Variants in TMPRSS11B observed in about 807,000 individuals in gnomAD.
TMPRSS11B encodes the protein transmembrane protease serine 11B.
Under a neutral mutation model 44.7 loss-of-function variants are expected in TMPRSS11B, and 53 were observed. The observed-to-expected ratio is 1.19, with a 90% CI of 0.95 to 1.49. TMPRSS11B has a LOEUF of 1.49. TMPRSS11B is among the 40% of genes most tolerant of loss of function. The pLI is 0.00. For missense variants in TMPRSS11B, 526 were observed against 494.8 expected, an observed-to-expected ratio of 1.06 and a Z score of -0.60; for synonymous variants, 140 against 159.2, an observed-to-expected ratio of 0.88 and a Z score of 0.91.
At chr4:68,234,754 TCTAAGC>T in intron 4 of TMPRSS11B, 131 bp from the exon 5 acceptor site, 1 of 874,606 alleles carries the variant, frequency 1.1e-6, no homozygotes, top group Non-Finnish European at 1.7e-6. Flanking sequence ...ACATATACTA[TCTAAGC>T]ATGTATAAAA....
chr4:68,234,488 T>A lies in TMPRSS11B; in HGVS notation c.444A>T (p.Ala148=). The change falls in exon 5 of 10, where the codon GCA becomes GCT. Residue 148 remains alanine, a synonymous_variant. Coordinates refer to ENST00000332644, the MANE Select transcript of TMPRSS11B (RefSeq NM_182502.3). ...MLKNNMASWN[A]VPASIKLMEI... ...CCATGAGTTTAATGGAAGCAGGAACTGCATTCCAGGATGCCATGTTGTTTT... is the reference window on the plus strand; with the variant it reads ...CCATGAGTTTAATGGAAGCAGGAACAGCATTCCAGGATGCCATGTTGTTTT... 6.2e-7 allele frequency: 1 copy of A among 1,613,980 alleles called. No homozygotes were observed. Among genetic ancestry groups the A allele is most frequent in the Non-Finnish European group, 8.5e-7 (1 of 1,179,962 alleles).
chr4:68,242,271 A>T (rs7669403), intron 1 of TMPRSS11B, among the ~76,000 whole-genome samples: 14 of 73,954 alleles, frequency 1.9e-4, no homozygotes, highest in South Asian at 1.1e-3. Flanking sequence ...TATATAATAT[A>T]ATATTATATA....
chr4:68,237,620 G>A lies in TMPRSS11B; in HGVS notation c.125-1354C>T, dbSNP rs186467118. The stretch of plus-strand genomic sequence containing the variant: ...GCATATGATGGGTGGTGCTTTGTGT[G>A]AGTCACAAGGTCTCATATCCCCATC... On this transcript the variant is annotated intron_variant, in intron 2 of 9. Coordinates refer to ENST00000332644, the MANE Select transcript of TMPRSS11B (RefSeq NM_182502.3). 2.7e-4 allele frequency among the ~76,000 whole-genome samples: 41 copies of A among 152,270 alleles called. No homozygotes were observed. In the East Asian group the frequency reaches 2.9e-3, roughly 11 times the overall value.
chr4:68,242,716 G>T (rs1719895343), intron 1 of TMPRSS11B, among the ~76,000 whole-genome samples: 1 of 151,358 alleles, frequency 6.6e-6, no homozygotes, highest in Non-Finnish European at 1.5e-5. Context: ...GACCACAGGG[G>T]TGCACCACCA....
At chr4:68,229,046 A>G (rs1206567101) in intron 8 of TMPRSS11B, among the ~76,000 whole-genome samples, 162 bp from the exon 9 acceptor site, 2 of 152,180 alleles carry the variant, frequency 1.3e-5, no homozygotes, top group Non-Finnish European at 2.9e-5. Context: ...GCTGCCTAAC[A>G]CATAATTTCA....
chr4:68,242,317 A>ATATATATAATATTATATTATATATATAT lies in TMPRSS11B; in HGVS notation c.9-541_9-514dup, dbSNP rs1560445600. 2.6e-3 allele frequency among the ~76,000 whole-genome samples: 192 copies of ATATATATAATATTATATTATATATATAT among 72,916 alleles called. 3 individuals are homozygous for ATATATATAATATTATATTATATATATAT. The highest frequency in any genetic ancestry group is 9.7e-3 in the African/African-American group (146 of 15,102). 47.8% of individuals were successfully genotyped at this position (72,916 alleles called of 152,430 possible). A position where few individuals can be genotyped will look rare whatever the true frequency, so the allele number is the denominator to read the frequency against. On this transcript the variant is annotated intron_variant, in intron 1 of 9. Transcript: ENST00000332644. The stretch of plus-strand genomic sequence containing the variant: ...TACATAATATAATATATATAATATT[A>ATATATATAATATTATATTATATATATAT]TATATATAATATTATATTATATATA...
At chr4:68,233,950 T>A (rs1276026779) in intron 5 of TMPRSS11B, among the ~76,000 whole-genome samples, 2 of 151,948 alleles carry the variant, frequency 1.3e-5, no homozygotes, top group Non-Finnish European at 2.9e-5. Flanking sequence ...GGTGGGCAGA[T>A]CACAAGGTCG....
intron 4 of TMPRSS11B, 138 bp from the exon 5 acceptor site, chr4:68,234,761 A>G (rs1719616641): frequency 1.2e-6 from 1 of 856,436 alleles, no homozygotes; most frequent in Middle Eastern, 3.6e-4. Flanking sequence ...CTATCTAAGC[A>G]TGTATAAAAT....
chr4:68,237,360 C>T (rs902413486), intron 2 of TMPRSS11B, among the ~76,000 whole-genome samples: 14 of 152,044 alleles, frequency 9.2e-5, no homozygotes, highest in Non-Finnish European at 1.9e-4. Context: ...TGGGTTGGTT[C>T]TAAGTCTTTG....
At chr4:68,240,488 T>C (rs1719794572) in intron 2 of TMPRSS11B, among the ~76,000 whole-genome samples, 1 of 152,148 alleles carries the variant, frequency 6.6e-6, no homozygotes, top group South Asian at 2.1e-4. Flanking sequence ...GGTTCTGTAG[T>C]TCCCCTTTGC....
Position 68,227,995 on chromosome 4 carries a change from ATC to A in TMPRSS11B, c.1165_1166del (p.Asp389TrpfsTer4). On this transcript the variant is annotated frameshift_variant, in exon 10 of 10. Transcript: ENST00000332644. LOFTEE classifies it low-confidence loss of function (END_TRUNC). ...WHLVGIVSWGDGCGKKNKPGV... is the reference protein window; with the variant it reads ...WHLVGIVSWGXGCGKKNKPGV... ...CTGGCTTATTCTTTTTACCACATCC[ATC>A]ACCCCAGCTTACTATTCCAACAAGA... is the stretch of plus-strand genomic sequence containing the variant. 2 of 1,613,948 alleles carry A rather than the reference ATC, an allele frequency of 1.2e-6. No homozygotes were observed. The highest frequency in any genetic ancestry group is 2.2e-5 in the South Asian group (2 of 91,064).
intron 5 of TMPRSS11B, 59 bp downstream of exon 5, chr4:68,234,404 T>A (rs1249382247): frequency 5.8e-6 from 9 of 1,539,838 alleles, no homozygotes; most frequent in South Asian, 4.8e-5. Flanking sequence ...TAGTACTTTT[T>A]AAAAAAATAA....
chr4:68,231,229 T>C lies in TMPRSS11B; in HGVS notation c.660A>G (p.Leu220=). The change falls in exon 7 of 10, where the codon CTA becomes CTG. Residue 220 remains leucine (L), a synonymous_variant. Coordinates refer to ENST00000332644, the MANE Select transcript of TMPRSS11B (RefSeq NM_182502.3). ...TAGCAAAGCAGTGAGCTGCAGATAA[T>C]AGCCACCTGCTGCTGATCAGAGAGG... ...CGASLISSRW[L]LSAAHCFAKK... 6.2e-7 allele frequency: 1 copy of C among 1,611,518 alleles called. No homozygotes were observed. The highest frequency in any genetic ancestry group is 8.5e-7 in the Non-Finnish European group (1 of 1,179,294).
At chr4:68,238,662 G>A (rs976718020) in intron 2 of TMPRSS11B, among the ~76,000 whole-genome samples, 8 of 152,100 alleles carry the variant, frequency 5.3e-5, no homozygotes, top group African/African-American at 1.9e-4. Flanking sequence ...GGGAGGCAGA[G>A]GTTGCAGTTT....
intron 1 of TMPRSS11B, among the ~76,000 whole-genome samples, chr4:68,242,357 T>TATAA (rs1414354014): frequency 1.6e-5 from 1 of 61,092 alleles, no homozygotes; most frequent in Non-Finnish European, 2.9e-5. Flanking sequence ...ATATATAATA[T>TATAA]TATATTATAT....
rs535932699 is a variant in TMPRSS11B at position 68,234,734 on chromosome 4, A to G, written c.309-111T>C. The G allele has an allele frequency of 6.8e-5, 74 of 1,095,838 alleles. No homozygotes were observed. The Middle Eastern group carries it at 1.1e-3, about 16-fold the overall frequency. The allele number at this position is 1,095,838 out of a possible 1,614,324, so 67.9% of individuals were successfully genotyped here. On this transcript the variant is annotated intron_variant, in intron 4 of 9. Coordinates refer to ENST00000332644, the MANE Select transcript of TMPRSS11B (RefSeq NM_182502.3). ...ATCACATTTTCTTTACATATATTAA[A>G]GAAAAATATACATATACTATCTAAG...
Position 68,227,876 on chromosome 4 carries a change from T to G in TMPRSS11B, c.*35A>C, listed in dbSNP as rs752289988. ...AGCCACAGATAAGGATAGCCTACAG[T>G]GGTCTTTATGTTCCTTTGTATAATT... On this transcript the variant is annotated 3_prime_UTR_variant, in exon 10 of 10. Transcript: ENST00000332644. 6.5e-6 allele frequency: 10 copies of G among 1,534,292 alleles called. No individual in the cohort carries two copies. Among genetic ancestry groups the G allele is most frequent in the Middle Eastern group, 1.8e-4 (1 of 5,700 alleles).
At chr4:68,229,836 G>A (rs12331361) in intron 7 of TMPRSS11B, among the ~76,000 whole-genome samples, 108,346 of 151,960 alleles carry the variant, frequency 0.71, 39,992 homozygotes, top group East Asian at 0.99. Context: ...CCTCAATTCC[G>A]TAAGTGGATG....
rs957997313 is a variant in TMPRSS11B at position 68,234,945 on chromosome 4, C to T, written c.309-322G>A. Among the ~76,000 whole-genome samples the T allele has an allele frequency of 3.3e-5, 5 of 152,156 alleles. 1 individual carries two copies. The highest frequency in any genetic ancestry group is 1.2e-4 in the African/African-American group (5 of 41,534). ...ATAATACAATAAAAACCAGTGCTCT[C>T]ATAAAGAATTTTTCTAATAACTTCA... On this transcript the variant is annotated intron_variant, in intron 4 of 9. Transcript: ENST00000332644.
Sources: allele counts gnomAD v4.1 joint callset (sites outside exome capture counted in the v4.1 genomes callset), GRCh38; gene constraint gnomAD v4.1.1; transcripts MANE v1.5; gene names NCBI Gene and HGNC (gene_info 2026-07-23, HGNC 2026-07-21).